The following L3MBTL3 variants were observed in gnomAD, a reference collection of about 807,000 sequenced individuals.
L3MBTL3 encodes the protein L3MBTL histone methyl-lysine binding protein 3.
Under a neutral mutation model 102.3 loss-of-function variants are expected in L3MBTL3, and 27 were observed. The ratio of observed to expected loss-of-function variants is 0.26; its 90% CI spans 0.19 to 0.36. The LOEUF (loss-of-function observed/expected upper bound fraction) is 0.36, where lower values mean the gene tolerates loss of function less well. L3MBTL3 is among the 10% of genes least tolerant of loss of function. The pLI is 1.00. For missense variants in L3MBTL3, 798 were observed against 955.3 expected, an observed-to-expected ratio of 0.84 and a Z score of 2.17; for synonymous variants, 340 against 320.9, an observed-to-expected ratio of 1.06 and a Z score of -0.64.
chr6:130,046,786 C>G (rs1228626952), intron 3 of L3MBTL3, among the ~76,000 whole-genome samples: 1 of 152,156 alleles, frequency 6.6e-6, no homozygotes, highest in African/African-American at 2.4e-5. Context: ...GGTGAAATTT[C>G]CATCATTCCA....
At chr6:130,027,963 G>C (rs1473110432) in intron 2 of L3MBTL3, among the ~76,000 whole-genome samples, 1 of 151,816 alleles carries the variant, frequency 6.6e-6, no homozygotes, top group Non-Finnish European at 1.5e-5. Flanking sequence ...CTCAAATTGA[G>C]GTATAGTCTG....
rs1422339824 is a variant in L3MBTL3, at chr6:130,018,640, GA to G, written c.-109del. On this transcript the variant is annotated 5_prime_UTR_variant, in exon 1 of 23. It removes the in-frame stop codon of an upstream open reading frame in the 5' UTR. Coordinates refer to ENST00000361794, the MANE Select transcript of L3MBTL3 (RefSeq NM_032438.4). Reference sequence around the variant, plus strand: ...TTGTCAGGACTACTCGTGAGACGGAGAAAAAAAAAAGAGAAAATTTGGGGGT... The same window carrying G: ...TTGTCAGGACTACTCGTGAGACGGAGAAAAAAAAAGAGAAAATTTGGGGGT... The G allele has an allele frequency of 9.3e-5, 14 of 150,456 alleles. No individual in the cohort carries two copies. Among genetic ancestry groups the G allele is most frequent in the Middle Eastern group, 3.2e-3 (1 of 316 alleles). 9.3% of individuals were successfully genotyped at this position (150,456 alleles called of 1,614,324 possible).
chr6:130,033,377 A>C (rs1181526351), intron 2 of L3MBTL3, among the ~76,000 whole-genome samples: 2 of 152,200 alleles, frequency 1.3e-5, no homozygotes, highest in East Asian at 3.8e-4. Flanking sequence ...TGATTTCTGT[A>C]AAGTAAACAA....
intron 9 of L3MBTL3, among the ~76,000 whole-genome samples, chr6:130,058,149 CAAAAA>C (rs61250078): frequency 0.012 from 1,110 of 89,160 alleles, 34 homozygotes; most frequent in African/African-American, 0.061. Flanking sequence ...GACTCCGTCT[CAAAAA>C]AAAAAAAAAA....
intron 2 of L3MBTL3, among the ~76,000 whole-genome samples, chr6:130,032,932 G>A (rs1779820239): frequency 6.6e-6 from 1 of 152,220 alleles, no homozygotes; most frequent in Admixed American, 6.5e-5. Flanking sequence ...GGTTGAGGCT[G>A]CCGTGATCCA....
chr6:130,035,980 TTGTGTG>T (rs71709041), intron 2 of L3MBTL3, among the ~76,000 whole-genome samples: 3,863 of 149,252 alleles, frequency 0.026, 69 homozygotes, highest in South Asian at 0.068. Context: ...CCTACCTGTT[TTGTGTG>T]TGTGTGTGTG....
At chr6:130,054,914 G>A (rs903481295) in intron 7 of L3MBTL3, among the ~76,000 whole-genome samples, 1 of 152,240 alleles carries the variant, frequency 6.6e-6, no homozygotes, top group Non-Finnish European at 1.5e-5. Context: ...GCAGCTGAGA[G>A]CAGAAAGTGT....
chr6:130,090,354 G>A (rs1783965843), intron 16 of L3MBTL3, among the ~76,000 whole-genome samples: 1 of 152,074 alleles, frequency 6.6e-6, no homozygotes, highest in Non-Finnish European at 1.5e-5. Context: ...CAAAATTAAT[G>A]TCGTTTAAGT....
At chr6:130,024,368 CAAAAT>C (rs1160501231) in intron 2 of L3MBTL3, among the ~76,000 whole-genome samples, 1 of 152,056 alleles carries the variant, frequency 6.6e-6, no homozygotes. Context: ...CTGAACCTGA[CAAAAT>C]AAACCCTGAC....
At chr6:130,022,598 G>A (rs558766091) in intron 2 of L3MBTL3, among the ~76,000 whole-genome samples, 2 of 152,196 alleles carry the variant, frequency 1.3e-5, no homozygotes, top group Non-Finnish European at 1.5e-5. Context: ...CTTTGGAGTT[G>A]AAAAAGTGGA....
chr6:130,056,990 C>G (rs1012871082), intron 8 of L3MBTL3, among the ~76,000 whole-genome samples: 2 of 152,156 alleles, frequency 1.3e-5, no homozygotes, highest in African/African-American at 4.8e-5. Context: ...CTGCTTCTCA[C>G]TATACTGATT....
intron 2 of L3MBTL3, among the ~76,000 whole-genome samples, chr6:130,024,229 T>C (rs906774833): frequency 6.6e-6 from 1 of 152,182 alleles, no homozygotes; most frequent in African/African-American, 2.4e-5. Flanking sequence ...ATTTAGGAAA[T>C]GTCCAAGTAG....
At chr6:130,028,480 G>A (rs1349058082) in intron 2 of L3MBTL3, among the ~76,000 whole-genome samples, 1 of 152,186 alleles carries the variant, frequency 6.6e-6, no homozygotes, top group Non-Finnish European at 1.5e-5. Flanking sequence ...ACTTCTCAAG[G>A]ATTTGTTCTT....
chr6:130,049,439 T>G, intron 4 of L3MBTL3, 46 bp downstream of exon 4: 1 of 1,250,440 alleles, frequency 8.0e-7, no homozygotes, highest in South Asian at 1.3e-5. Flanking sequence ...TTGAAAGATT[T>G]GAAATAAGAA....
intron 22 of L3MBTL3, among the ~76,000 whole-genome samples, chr6:130,138,697 T>C (rs1401194458): frequency 1.3e-5 from 2 of 152,178 alleles, no homozygotes; most frequent in African/African-American, 4.8e-5. Context: ...TGTCAAGGTT[T>C]CTGATGTTCT....
At chr6:130,068,878 G>A (rs1782446808) in intron 12 of L3MBTL3, among the ~76,000 whole-genome samples, 1 of 152,138 alleles carries the variant, frequency 6.6e-6, no homozygotes, top group Non-Finnish European at 1.5e-5. Context: ...ATCTGGATGT[G>A]CGTGTCTTTT....
At chr6:130,135,070 CTTTTT>C (rs5880000) in intron 22 of L3MBTL3, among the ~76,000 whole-genome samples, 2 of 127,418 alleles carry the variant, frequency 1.6e-5, no homozygotes, top group Non-Finnish European at 3.3e-5. Flanking sequence ...CTGTTTTTTC[CTTTTT>C]TTTTTTTTTT....
At chr6:130,116,216 C>T (rs1454335187) in intron 19 of L3MBTL3, among the ~76,000 whole-genome samples, 1 of 152,304 alleles carries the variant, frequency 6.6e-6, no homozygotes, top group South Asian at 2.1e-4. Flanking sequence ...CATCATGCTC[C>T]TACTTAAGTG....
chr6:130,021,963 T>C (rs4145781), intron 1 of L3MBTL3, among the ~76,000 whole-genome samples: 7,697 of 152,292 alleles, frequency 0.051, 532 homozygotes, highest in African/African-American at 0.16. Context: ...CAAATGATCC[T>C]TGTAACTTTC....
Sources: allele counts gnomAD v4.1 joint callset (sites outside exome capture counted in the v4.1 genomes callset), GRCh38; gene constraint gnomAD v4.1.1; transcripts MANE v1.5; gene names NCBI Gene and HGNC (gene_info 2026-07-23, HGNC 2026-07-21).